The following SNTB1 variants were observed in gnomAD, a reference collection of about 807,000 sequenced individuals.
SNTB1 encodes the protein syntrophin beta 1.
A neutral mutation model predicts 48.9 loss-of-function variants in SNTB1; 36 were observed. The ratio of observed to expected loss-of-function variants is 0.74; its 90% CI spans 0.56 to 0.97. The LOEUF is 0.97. SNTB1 is among the 50% of genes least tolerant of loss of function. The probability of loss-of-function intolerance (pLI) is 0.00; values close to 1 mark genes in which losing one functional copy is unlikely to be tolerated. For synonymous variants in SNTB1, 299 were observed against 294.6 expected, an observed-to-expected ratio of 1.01 and a Z score of -0.15; for missense variants, 786 against 703.4, an observed-to-expected ratio of 1.12 and a Z score of -1.33.
chr8:120,610,796 A>G (rs1409086665), intron 3 of SNTB1, among the ~76,000 whole-genome samples: 1 of 152,030 alleles, frequency 6.6e-6, no homozygotes, highest in Non-Finnish European at 1.5e-5. Context: ...CTGTTAAGAG[A>G]CTGCTTTTCC....
chr8:120,633,881 A>G (rs1817024590), intron 2 of SNTB1, among the ~76,000 whole-genome samples: 1 of 152,224 alleles, frequency 6.6e-6, no homozygotes, highest in Non-Finnish European at 1.5e-5. Flanking sequence ...CCTATAGTAC[A>G]GTATCAAAAC....
chr8:120,565,041 T>C (rs1229378989), intron 4 of SNTB1, among the ~76,000 whole-genome samples: 1 of 152,216 alleles, frequency 6.6e-6, no homozygotes, highest in East Asian at 1.9e-4. Context: ...TGGTCTTCCA[T>C]TTATTAAGGA....
At chr8:120,727,667 G>T (rs1818781786) in intron 1 of SNTB1, among the ~76,000 whole-genome samples, 1 of 152,186 alleles carries the variant, frequency 6.6e-6, no homozygotes, top group African/African-American at 2.4e-5. Flanking sequence ...CCAAACTACT[G>T]TAGAGAAGAT....
chr8:120,728,858 T>C (rs979399542), intron 1 of SNTB1, among the ~76,000 whole-genome samples: 4 of 152,242 alleles, frequency 2.6e-5, no homozygotes, highest in African/African-American at 2.4e-5. Flanking sequence ...GTGGTAGTTC[T>C]ATTTTAAGTT....
At chr8:120,611,598 A>G (rs1305320357) in intron 3 of SNTB1, among the ~76,000 whole-genome samples, 1 of 151,860 alleles carries the variant, frequency 6.6e-6, no homozygotes, top group Non-Finnish European at 1.5e-5. Context: ...CGAGGTGGGC[A>G]GATCACAAGG....
intron 1 of SNTB1, among the ~76,000 whole-genome samples, chr8:120,778,525 G>A (rs1216147824): frequency 6.6e-6 from 1 of 152,178 alleles, no homozygotes; most frequent in Non-Finnish European, 1.5e-5. Context: ...ACAATGAGGA[G>A]GAGATTTTAG....
chr8:120,810,808 T>A (rs1195978332), intron 1 of SNTB1, among the ~76,000 whole-genome samples: 6 of 151,840 alleles, frequency 4.0e-5, no homozygotes, highest in Admixed American at 2.0e-4. Flanking sequence ...GGCTTTGGAG[T>A]GGGAAATTTT....
At chr8:120,770,761 C>T (rs924294082) in intron 1 of SNTB1, among the ~76,000 whole-genome samples, 67 of 152,030 alleles carry the variant, frequency 4.4e-4, no homozygotes, top group Non-Finnish European at 1.2e-4. Context: ...TGCAGTGAGC[C>T]GAGATTGTGG....
At chr8:120,706,125 C>G (rs1818372742) in intron 1 of SNTB1, among the ~76,000 whole-genome samples, 1 of 152,150 alleles carries the variant, frequency 6.6e-6, no homozygotes, top group African/African-American at 2.4e-5. Context: ...AAGCTTATCA[C>G]TCAAATTTAA....
intron 1 of SNTB1, among the ~76,000 whole-genome samples, chr8:120,766,055 G>A (rs1455682244): frequency 1.3e-5 from 2 of 152,096 alleles, no homozygotes; most frequent in East Asian, 3.8e-4. Context: ...TCAGTACTCA[G>A]CAGCCATTTG....
At chr8:120,579,686 A>G (rs1485857880) in intron 3 of SNTB1, among the ~76,000 whole-genome samples, 3 of 145,532 alleles carry the variant, frequency 2.1e-5, no homozygotes, top group Admixed American at 2.1e-4. Context: ...GTCAAAAAAG[A>G]AAAGAAAACA....
At chr8:120,738,853 C>A (rs933361050) in intron 1 of SNTB1, among the ~76,000 whole-genome samples, 1 of 152,056 alleles carries the variant, frequency 6.6e-6, no homozygotes, top group East Asian at 1.9e-4. Flanking sequence ...TATTTTTCAC[C>A]ATACACATGG....
intron 1 of SNTB1, among the ~76,000 whole-genome samples, chr8:120,805,328 G>T (rs1437713908): frequency 6.6e-6 from 1 of 152,144 alleles, no homozygotes; most frequent in Non-Finnish European, 1.5e-5. Context: ...TGGAATTAAG[G>T]TTGCTAATGA....
intron 1 of SNTB1, among the ~76,000 whole-genome samples, chr8:120,774,146 G>A (rs1275376493): frequency 6.6e-6 from 1 of 152,220 alleles, no homozygotes; most frequent in Non-Finnish European, 1.5e-5. Context: ...CCAACTACCT[G>A]AGAGGCCTTG....
At position 120,648,705 on chromosome 8, in the gene SNTB1, C is replaced by T. The variant is rs1180291931; in HGVS notation, c.789-16054G>A. ...GTTGTCTGTATTTCCTGAATCTGAA[C>T]GTTGGCCTGCCTTGCTAGATTAGGG... On this transcript the variant is annotated intron_variant, in intron 2 of 6. Coordinates refer to ENST00000517992, the MANE Select transcript of SNTB1 (RefSeq NM_021021.4). 7.2e-5 allele frequency among the ~76,000 whole-genome samples: 11 copies of T among 151,952 alleles called. No individual in the cohort carries two copies. In the East Asian group the frequency reaches 9.7e-4, roughly 13 times the overall value.
At chr8:120,585,598 A>G (rs1421350331) in intron 3 of SNTB1, among the ~76,000 whole-genome samples, 2 of 152,198 alleles carry the variant, frequency 1.3e-5, no homozygotes, top group South Asian at 2.1e-4. Context: ...CTGGGGCAAA[A>G]TTGGTCCCTT....
Position 120,674,554 on chromosome 8 carries a change from G to T in SNTB1, c.788+19138C>A, listed in dbSNP as rs1049715975. 3.3e-5 allele frequency among the ~76,000 whole-genome samples: 5 copies of T among 152,354 alleles called. No individual in the cohort carries two copies. In the South Asian group the frequency reaches 1.0e-3, roughly 32 times the overall value. On this transcript the variant is annotated intron_variant, in intron 2 of 6. Coordinates refer to ENST00000517992, the MANE Select transcript of SNTB1 (RefSeq NM_021021.4). Reference sequence around the variant, plus strand: ...AGCACACAGTTGCTGAACAGCAATAGGCTGTGGGTTTCTTATGGGCCTAGT... The same window carrying T: ...AGCACACAGTTGCTGAACAGCAATATGCTGTGGGTTTCTTATGGGCCTAGT...
intron 2 of SNTB1, among the ~76,000 whole-genome samples, chr8:120,677,346 A>G (rs1817853958): frequency 1.3e-5 from 2 of 152,222 alleles, no homozygotes; most frequent in Non-Finnish European, 2.9e-5. Context: ...TAGTGATTCA[A>G]GGCCTGTCTC....
intron 1 of SNTB1, among the ~76,000 whole-genome samples, chr8:120,747,393 C>A (rs4871115): frequency 0.13 from 19,779 of 152,204 alleles, 1,672 homozygotes; most frequent in African/African-American, 0.23. Context: ...AGGGTTCAAG[C>A]GACTCTCATA....
Sources: allele counts gnomAD v4.1 joint callset (sites outside exome capture counted in the v4.1 genomes callset), GRCh38; gene constraint gnomAD v4.1.1; transcripts MANE v1.5; gene names NCBI Gene and HGNC (gene_info 2026-07-23, HGNC 2026-07-21).